CAST: variants seen among roughly 807,000 people sequenced by gnomAD.
The protein encoded by CAST is MIR583 host.
Under a neutral mutation model 119.6 loss-of-function variants are expected in CAST, and 76 were observed. That is an observed-to-expected ratio of 0.64 (90% CI 0.53 to 0.77). The LOEUF is 0.77. Ranked by LOEUF, CAST falls within the 30% of genes least tolerant of loss-of-function variation. The pLI is 0.00. For missense variants in CAST, 953 were observed against 946.5 expected, an observed-to-expected ratio of 1.01 and a Z score of -0.09; for synonymous variants, 319 against 331.6, an observed-to-expected ratio of 0.96 and a Z score of 0.41.
the CAST span, among the ~76,000 whole-genome samples, chr5:96,166,800 A>C: frequency 1.2e-4 from 18 of 152,322 alleles, no homozygotes; most frequent in African/African-American, 4.1e-4. Context: ...ATTAATAGAC[A>C]TAATTTTGGG....
the CAST span, among the ~76,000 whole-genome samples, chr5:96,180,821 G>A: frequency 6.6e-6 from 1 of 152,172 alleles, no homozygotes; most frequent in Non-Finnish European, 1.5e-5. Flanking sequence ...GCAAGAACAA[G>A]CAAACCAAGC....
At chr5:96,534,210 C>T (rs1002801253) in intron 1 of CAST, among the ~76,000 whole-genome samples, 31 of 151,986 alleles carry the variant, frequency 2.0e-4, no homozygotes, top group African/African-American at 3.1e-4. Context: ...CACATTGAAT[C>T]GACATTTTCC....
the CAST span, among the ~76,000 whole-genome samples, chr5:96,325,690 G>A: frequency 3.3e-5 from 5 of 152,142 alleles, no homozygotes; most frequent in East Asian, 1.9e-4. Context: ...ATGTTGTCCA[G>A]GCTGGTCTCA....
At chr5:96,587,755 T>C (rs1420164385) in intron 1 of CAST, among the ~76,000 whole-genome samples, 3 of 152,218 alleles carry the variant, frequency 2.0e-5, no homozygotes, top group African/African-American at 2.4e-5. Context: ...TTGAGAAACA[T>C]TGAAGATCAA....
At chr5:96,681,526 G>C (rs903188189) in intron 2 of CAST, among the ~76,000 whole-genome samples, 23 of 151,852 alleles carry the variant, frequency 1.5e-4, no homozygotes, top group African/African-American at 5.6e-4. Flanking sequence ...GAGGTCAGGA[G>C]ATCGAGACCA....
intron 3 of CAST, among the ~76,000 whole-genome samples, chr5:96,705,730 G>A (rs899569680): frequency 6.6e-6 from 1 of 152,006 alleles, no homozygotes; most frequent in Non-Finnish European, 1.5e-5. Flanking sequence ...CACATTAATA[G>A]TAACAGCTAC....
chr5:96,102,955 A>G, the CAST span, among the ~76,000 whole-genome samples: 1 of 152,152 alleles, frequency 6.6e-6, no homozygotes, highest in Admixed American at 6.5e-5. Flanking sequence ...TGGGACAAGA[A>G]GAGAAAGAGT....
At chr5:96,351,340 G>A in the CAST span, among the ~76,000 whole-genome samples, 1 of 152,082 alleles carries the variant, frequency 6.6e-6, no homozygotes, top group Admixed American at 6.6e-5. Flanking sequence ...GCGGTGGCAT[G>A]CGTGTCCTTT....
intron 4 of CAST, among the ~76,000 whole-genome samples, chr5:96,723,432 T>C (rs755839235): frequency 1.1e-4 from 17 of 152,250 alleles, no homozygotes; most frequent in Non-Finnish European, 1.9e-4. Flanking sequence ...TGAAAGATTA[T>C]ACTAAATGAA....
the CAST span, among the ~76,000 whole-genome samples, chr5:95,985,211 G>C: frequency 6.6e-6 from 1 of 152,190 alleles, no homozygotes; most frequent in Non-Finnish European, 1.5e-5. Flanking sequence ...CTATTTAGGA[G>C]ACGGAGGCAG....
the CAST span, among the ~76,000 whole-genome samples, chr5:96,320,116 G>A: frequency 2.6e-4 from 39 of 151,494 alleles, no homozygotes; most frequent in Middle Eastern, 3.4e-3. Context: ...ATGCCCTGGT[G>A]AAACATGAGG....
chr5:96,603,322 A>T (rs1034466295), intron 1 of CAST, among the ~76,000 whole-genome samples: 3 of 152,244 alleles, frequency 2.0e-5, no homozygotes, highest in Non-Finnish European at 4.4e-5. Context: ...AAGCAAATGC[A>T]TCGTTCAGCT....
chr5:96,430,986 G>A, the CAST span, among the ~76,000 whole-genome samples: 1 of 152,182 alleles, frequency 6.6e-6, no homozygotes, highest in Non-Finnish European at 1.5e-5. Flanking sequence ...GAGCTAACAG[G>A]TGGGAAAAAG....
At chr5:96,236,928 G>C in the CAST span, among the ~76,000 whole-genome samples, 2 of 152,152 alleles carry the variant, frequency 1.3e-5, no homozygotes, top group Non-Finnish European at 2.9e-5. Context: ...CTCAAATGCC[G>C]TGGCCTCTTT....
At chr5:96,498,018 C>T in the CAST span, among the ~76,000 whole-genome samples, 1 of 152,104 alleles carries the variant, frequency 6.6e-6, no homozygotes, top group African/African-American at 2.4e-5. Flanking sequence ...GTCTTTAATC[C>T]ATGTTGAATT....
the CAST span, among the ~76,000 whole-genome samples, chr5:96,504,354 T>A: frequency 6.6e-6 from 1 of 152,136 alleles, no homozygotes; most frequent in African/African-American, 2.4e-5. Context: ...CAAAAAAAAG[T>A]CCTCCAAAGA....
the CAST span, chr5:96,400,114 G>A: frequency 1.9e-6 from 3 of 1,614,142 alleles, no homozygotes; most frequent in Non-Finnish European, 1.7e-6. Flanking sequence ...TCCATCCAGG[G>A]TTATTGGCCA....
intron 3 of CAST, among the ~76,000 whole-genome samples, chr5:96,698,279 G>T (rs1330349400): frequency 6.6e-6 from 1 of 152,112 alleles, no homozygotes; most frequent in Non-Finnish European, 1.5e-5. Context: ...CACAAACCCT[G>T]TTCTGTCTTA....
intron 10 of CAST, 90 bp downstream of exon 10, chr5:96,736,330 GA>G (rs1192002798): frequency 5.5e-6 from 4 of 728,400 alleles, no homozygotes; most frequent in East Asian, 5.7e-5. Context: ...CAAATAATAT[GA>G]GGGGGGTAAT....
Sources: gnomAD v4.1 joint callset for allele counts (sites outside exome capture counted in the v4.1 genomes callset) on GRCh38, gnomAD v4.1.1 for gene constraint, MANE v1.5 for transcripts, NCBI Gene and HGNC (gene_info 2026-07-23, HGNC 2026-07-21) for gene names.